ANKRD12: variants seen among roughly 807,000 people sequenced by gnomAD.
The protein encoded by ANKRD12 is ankyrin repeat domain 12, also known as ankyrin repeat domain-containing protein 12.
In ANKRD12, 85 loss-of-function variants were observed where a neutral mutation model predicts 183.4. The observed-to-expected ratio is 0.46, with a 90% CI of 0.39 to 0.56. ANKRD12 has a LOEUF of 0.56. Ranked by LOEUF, ANKRD12 falls within the 20% of genes least tolerant of loss-of-function variation. ANKRD12 has a pLI of 0.00. For missense variants in ANKRD12, 2,405 were observed against 2,357.1 expected, an observed-to-expected ratio of 1.02 and a Z score of -0.42; for synonymous variants, 914 against 800.2, an observed-to-expected ratio of 1.14 and a Z score of -2.40.
chr18:9,195,496 A>G (rs966342738), intron 2 of ANKRD12, 55 bp from the exon 3 acceptor site: 6 of 1,356,574 alleles, frequency 4.4e-6, no homozygotes, highest in Non-Finnish European at 5.9e-6. Context: ...GGGTTTCTAT[A>G]CTGTATTGCT....
chr18:9,278,281 A>G (rs987801560), intron 11 of ANKRD12, among the ~76,000 whole-genome samples: 6 of 152,208 alleles, frequency 3.9e-5, no homozygotes, highest in Non-Finnish European at 2.9e-5. Flanking sequence ...CTTGGAAGGA[A>G]CTAAAGGGAA....
At chr18:9,191,422 A>G (rs4131992) in intron 2 of ANKRD12, among the ~76,000 whole-genome samples, 79,651 of 152,074 alleles carry the variant, frequency 0.52, 23,389 homozygotes, top group South Asian at 0.75. Flanking sequence ...CGTATTGCAC[A>G]GGAGAACATA....
At chr18:9,145,924 A>C (rs1359190859) in intron 1 of ANKRD12, among the ~76,000 whole-genome samples, 1 of 152,216 alleles carries the variant, frequency 6.6e-6, no homozygotes, top group Non-Finnish European at 1.5e-5. Context: ...TAGCAAGAAG[A>C]GGTAATTACC....
intron 3 of ANKRD12, among the ~76,000 whole-genome samples, chr18:9,198,703 C>G (rs929594900): frequency 2.6e-5 from 4 of 151,964 alleles, no homozygotes; most frequent in Admixed American, 2.0e-4. Flanking sequence ...GCGCCTGCCA[C>G]GATGCCTGGC....
chr18:9,214,724 C>T (rs574116866), intron 6 of ANKRD12, among the ~76,000 whole-genome samples: 9 of 152,144 alleles, frequency 5.9e-5, no homozygotes, highest in African/African-American at 2.2e-4. Context: ...GCTGTGGTTA[C>T]CTGCCATTTG....
intron 7 of ANKRD12, among the ~76,000 whole-genome samples, chr18:9,217,409 G>A (rs1007337329): frequency 6.6e-6 from 1 of 152,000 alleles, no homozygotes; most frequent in Non-Finnish European, 1.5e-5. Context: ...ATCTAAAATT[G>A]ATATTTCAAA....
chr18:9,275,580 A>G lies in ANKRD12; in HGVS notation c.5820A>G (p.Ala1940=). The G allele has an allele frequency of 1.2e-6, 2 of 1,612,142 alleles. No homozygotes were observed. The highest frequency in any genetic ancestry group is 8.5e-7 in the Non-Finnish European group (1 of 1,178,468). Residue 1940 remains alanine (A), a synonymous_variant, in exon 11 of 13, where the codon GCA becomes GCG. Transcript: ENST00000262126. ...TTTTGCGAGTTCATTACAGAGCTGC[A>G]AGAACATTGGCAAATCAAACACTGC... ...QEVLRVHYRA[A]RTLANQTLPF...
At chr18:9,171,879 G>A (rs1350445386) in intron 1 of ANKRD12, among the ~76,000 whole-genome samples, 1 of 152,054 alleles carries the variant, frequency 6.6e-6, no homozygotes, top group Non-Finnish European at 1.5e-5. Flanking sequence ...AATCGGCTGG[G>A]TGTGGTGGCA....
chr18:9,257,319 T>A lies in ANKRD12; in HGVS notation c.4052T>A (p.Phe1351Tyr), dbSNP rs1235504733. ...AGTCCTTCTCCCAAACCTGAGGTATTCTCAAATGTGCCTGAAAGAGACCTT... is the reference window on the plus strand; with the variant it reads ...AGTCCTTCTCCCAAACCTGAGGTATACTCAAATGTGCCTGAAAGAGACCTT... The part of the protein sequence containing the change: ...DTSPSPKPEV[F>Y]SNVPERDLSN... The change falls in exon 9 of 13, where the codon TTC becomes TAC. Residue 1351 changes from phenylalanine (F) to tyrosine (Y), a missense_variant. Around this residue, in one of 7 missense-constraint regions of ANKRD12, gnomAD observed 1,983 missense variants for 1,725.9 expected, o/e 1.15. Transcript: ENST00000262126. 1 of 1,614,168 alleles carries A rather than the reference T, an allele frequency of 6.2e-7. No homozygotes were observed. The highest frequency in any genetic ancestry group is 8.5e-7 in the Non-Finnish European group (1 of 1,179,998).
intron 8 of ANKRD12, among the ~76,000 whole-genome samples, chr18:9,239,843 A>T (rs2037556248): frequency 6.6e-6 from 1 of 152,202 alleles, no homozygotes; most frequent in Non-Finnish European, 1.5e-5. Context: ...GAACTTAATA[A>T]ATTTGGAGTA....
intron 1 of ANKRD12, among the ~76,000 whole-genome samples, chr18:9,169,518 G>A (rs1483069696): frequency 3.3e-5 from 5 of 152,000 alleles, no homozygotes; most frequent in African/African-American, 4.8e-5. Context: ...TGTTTTATCC[G>A]AGACTAGGAT....
At chr18:9,274,366 G>T (rs1300450743) in intron 10 of ANKRD12, among the ~76,000 whole-genome samples, 1 of 152,102 alleles carries the variant, frequency 6.6e-6, no homozygotes, top group Non-Finnish European at 1.5e-5. Context: ...CCACAAAATG[G>T]GATAAAGTAC....
rs908370638 is a variant in ANKRD12 at position 9,202,823 on chromosome 18, C to T, written c.236-1653C>T. 3.3e-5 allele frequency among the ~76,000 whole-genome samples: 5 copies of T among 152,232 alleles called. No homozygotes were observed. In the East Asian group the frequency reaches 7.7e-4, roughly 24 times the overall value. Reference sequence around the variant, plus strand: ...TAATTTTCCAGTTCCTGAGTTAAAGCTTTATAGACTATTCAGATGCCCCCA... The same window carrying T: ...TAATTTTCCAGTTCCTGAGTTAAAGTTTTATAGACTATTCAGATGCCCCCA... On this transcript the variant is annotated intron_variant, in intron 3 of 12. Transcript: ENST00000262126.
chr18:9,186,026 T>G (rs1217065539), intron 2 of ANKRD12, among the ~76,000 whole-genome samples: 1 of 152,238 alleles, frequency 6.6e-6, no homozygotes, highest in African/African-American at 2.4e-5. Flanking sequence ...GGATTTGAAT[T>G]TATGAGGCTA....
rs78207511 is a variant in ANKRD12 at position 9,161,342 on chromosome 18, T to C, written c.-51-21040T>C. Among the ~76,000 whole-genome samples the C allele has an allele frequency of 6.4e-3, 973 of 151,984 alleles. 6 individuals are homozygous for C. The highest frequency in any genetic ancestry group is 9.8e-3 in the Non-Finnish European group (664 of 67,972). ...TTTGATCCCTTTTTGTCCTTTTTTT[T>C]CTCTATTTCTGTTTTTATTTTATTT... is the stretch of plus-strand genomic sequence containing the variant. On this transcript the variant is annotated intron_variant, in intron 1 of 12. Transcript: ENST00000262126.
chr18:9,204,569 G>A, intron 4 of ANKRD12, 25 bp downstream of exon 4: 1 of 1,493,330 alleles, frequency 6.7e-7, no homozygotes, highest in Admixed American at 2.1e-5. Flanking sequence ...AGGTGTTCCT[G>A]TTTAGCCAGT....
chr18:9,138,277 C>T (rs2078194266), intron 1 of ANKRD12, among the ~76,000 whole-genome samples: 2 of 152,332 alleles, frequency 1.3e-5, no homozygotes, highest in Non-Finnish European at 2.9e-5. Context: ...CTTTGGGAGG[C>T]CGACGTGGGT....
intron 1 of ANKRD12, among the ~76,000 whole-genome samples, chr18:9,178,728 A>C (rs2033482463): frequency 6.6e-6 from 1 of 152,308 alleles, no homozygotes; most frequent in South Asian, 2.1e-4. Context: ...TTGAATTTAT[A>C]GAGCAATTTG....
chr18:9,200,810 A>G (rs1215681146), intron 3 of ANKRD12, among the ~76,000 whole-genome samples: 1 of 152,240 alleles, frequency 6.6e-6, no homozygotes, highest in Non-Finnish European at 1.5e-5. Context: ...AATTTAATGC[A>G]GTAAGAAGGC....
Sources: allele counts gnomAD v4.1 joint callset (sites outside exome capture counted in the v4.1 genomes callset), GRCh38; gene constraint gnomAD v4.1.1; regional missense constraint gnomAD v4.1.1; transcripts MANE v1.5; gene names NCBI Gene and HGNC (gene_info 2026-07-23, HGNC 2026-07-21).